Variants in RBFOX1 observed in about 807,000 individuals in gnomAD.
RBFOX1 encodes the protein RNA binding fox-1 homolog 1.
A neutral mutation model predicts 57.7 loss-of-function variants in RBFOX1; 8 were observed. The observed-to-expected ratio is 0.14, with a 90% CI of 0.08 to 0.25. The LOEUF (loss-of-function observed/expected upper bound fraction) is 0.25. Among genes scored for constraint, RBFOX1 ranks in the 10% least tolerant of loss-of-function variants. RBFOX1 has a pLI of 1.00. For synonymous variants in RBFOX1, 326 were observed against 222.4 expected, an observed-to-expected ratio of 1.47 and a Z score of -4.15; for missense variants, 611 against 548.5, an observed-to-expected ratio of 1.11 and a Z score of -1.14.
rs142540530 is a variant in RBFOX1, at chr16:6,878,514, T to A, written c.-15-173543T>A. Among the ~76,000 whole-genome samples the A allele has an allele frequency of 4.7e-3, 711 of 152,326 alleles. 3 individuals are homozygous for A. Among genetic ancestry groups the A allele is most frequent in the African/African-American group, 0.016 (682 of 41,580 alleles). ...GTGATATGAGCAAGAAATAAACTTT[T>A]GTTATTCCTGGACCTTTTAGATTTT... is the stretch of plus-strand genomic sequence containing the variant. On this transcript the variant is annotated intron_variant, in intron 3 of 15. Coordinates refer to ENST00000550418, the MANE Select transcript of RBFOX1 (RefSeq NM_018723.4).
intron 3 of RBFOX1, among the ~76,000 whole-genome samples, chr16:5,699,907 C>T (rs2050976708): frequency 6.6e-6 from 1 of 152,272 alleles, no homozygotes; most frequent in Non-Finnish European, 1.5e-5. Context: ...GATCTCGGCT[C>T]ACTGCAAGTT....
In RBFOX1 at chr16:5,629,979, T is replaced by C. The variant is rs2048455028; in HGVS notation, c.318+31018T>C. ...AGAGCTCCGTGCCTGGTGACTGCTG[T>C]TATTTGGTTGGGGATAGGATCTCTC... On this transcript the variant is annotated intron_variant, in intron 3 of 19. Transcript: ENST00000641259. Among the ~76,000 whole-genome samples the C allele has an allele frequency of 2.0e-5, 3 of 152,100 alleles. No individual in the cohort carries two copies. The South Asian group carries it at 6.2e-4, about 32-fold the overall frequency.
At chr16:7,668,286 G>A (rs191383215) in intron 13 of RBFOX1, among the ~76,000 whole-genome samples, 3 of 152,244 alleles carry the variant, frequency 2.0e-5, no homozygotes, top group Admixed American at 1.3e-4. Flanking sequence ...CGTGATCCCT[G>A]TAACTGGCAA....
intron 4 of RBFOX1, among the ~76,000 whole-genome samples, chr16:7,285,257 TAC>T (rs1363601570): frequency 1.6e-4 from 25 of 152,080 alleles, no homozygotes; most frequent in Non-Finnish European, 3.2e-4. Context: ...ATGTACCCTT[TAC>T]ACAGTTTTCC....
chr16:5,704,395 C>T (rs946198455), intron 3 of RBFOX1, among the ~76,000 whole-genome samples: 2 of 152,024 alleles, frequency 1.3e-5, no homozygotes, highest in East Asian at 1.9e-4. Flanking sequence ...GTCTGGGGGT[C>T]GCCACAACTC....
At chr16:5,976,695 C>G (rs527556605) in intron 4 of RBFOX1, among the ~76,000 whole-genome samples, 2 of 152,246 alleles carry the variant, frequency 1.3e-5, no homozygotes, top group South Asian at 2.1e-4. Flanking sequence ...ATGGTGAAAC[C>G]TTGTTTCTAC....
intron 2 of RBFOX1, among the ~76,000 whole-genome samples, chr16:5,561,424 C>T (rs1347155790): frequency 1.3e-5 from 2 of 151,658 alleles, no homozygotes; most frequent in Non-Finnish European, 2.9e-5. Context: ...TTTTGAATAC[C>T]AGTTAGTGGG....
At chr16:5,547,300 G>A (rs1202831052) in intron 2 of RBFOX1, among the ~76,000 whole-genome samples, 1 of 152,182 alleles carries the variant, frequency 6.6e-6, no homozygotes, top group Non-Finnish European at 1.5e-5. Flanking sequence ...ACACACATGT[G>A]CATGAACATT....
chr16:5,585,622 A>G (rs999904050), intron 2 of RBFOX1, among the ~76,000 whole-genome samples: 10 of 152,192 alleles, frequency 6.6e-5, no homozygotes, highest in African/African-American at 2.4e-4. Context: ...ATCCCGATGA[A>G]AGGGCTGACA....
chr16:7,090,083 T>A (rs1007085940), intron 4 of RBFOX1, among the ~76,000 whole-genome samples: 10 of 152,182 alleles, frequency 6.6e-5, no homozygotes, highest in South Asian at 2.1e-4. Flanking sequence ...AGTCTGTAAA[T>A]AAAGATAGTC....
chr16:6,593,218 G>T (rs991759632), intron 2 of RBFOX1, among the ~76,000 whole-genome samples: 2 of 151,910 alleles, frequency 1.3e-5, no homozygotes, highest in Non-Finnish European at 2.9e-5. Context: ...AAAGAGAGTG[G>T]AGATCACCCT....
intron 2 of RBFOX1, among the ~76,000 whole-genome samples, chr16:6,536,191 T>C (rs1352764712): frequency 6.6e-6 from 1 of 152,212 alleles, no homozygotes; most frequent in African/African-American, 2.4e-5. Flanking sequence ...CTTGTATAAA[T>C]GCAACCCAAA....
chr16:6,586,040 T>C (rs2097609364), intron 2 of RBFOX1, among the ~76,000 whole-genome samples: 1 of 152,208 alleles, frequency 6.6e-6, no homozygotes, highest in African/African-American at 2.4e-5. Context: ...ATAGAACAGG[T>C]ACTAGCTGTA....
At chr16:7,665,684 G>A (rs546580631) in intron 13 of RBFOX1, among the ~76,000 whole-genome samples, 1 of 152,100 alleles carries the variant, frequency 6.6e-6, no homozygotes, top group Non-Finnish European at 1.5e-5. Flanking sequence ...GAGCATTGAC[G>A]ATATGAAAAT....
At chr16:6,898,553 C>G (rs114475892) in intron 3 of RBFOX1, among the ~76,000 whole-genome samples, 2,611 of 152,270 alleles carry the variant, frequency 0.017, 71 homozygotes, top group African/African-American at 0.059. Flanking sequence ...AACATGGATT[C>G]TGCTGTGTTA....
At chr16:5,958,440 G>C (rs1037840418) in intron 4 of RBFOX1, among the ~76,000 whole-genome samples, 1 of 152,122 alleles carries the variant, frequency 6.6e-6, no homozygotes, top group Non-Finnish European at 1.5e-5. Context: ...TCTGATGCCA[G>C]ACCACCACAG....
intron 1 of RBFOX1, among the ~76,000 whole-genome samples, chr16:6,301,919 G>C (rs9937246): frequency 0.05 from 7,561 of 152,176 alleles, 671 homozygotes; most frequent in African/African-American, 0.17. Flanking sequence ...CAGCCACTTG[G>C]CAGAAGAACA....
intron 3 of RBFOX1, among the ~76,000 whole-genome samples, chr16:5,756,773 G>A (rs1255497571): frequency 6.6e-6 from 1 of 152,128 alleles, no homozygotes; most frequent in Non-Finnish European, 1.5e-5. Flanking sequence ...GATGTTACTT[G>A]CCAGGGATCT....
chr16:6,713,980 C>G (rs2064247820), intron 3 of RBFOX1, among the ~76,000 whole-genome samples: 2 of 152,208 alleles, frequency 1.3e-5, no homozygotes, highest in African/African-American at 2.4e-5. Context: ...TACGGTTAGG[C>G]TTTGTGTACC....
Sources: gnomAD v4.1 joint callset for allele counts (sites outside exome capture counted in the v4.1 genomes callset) on GRCh38, gnomAD v4.1.1 for gene constraint, MANE v1.5 for transcripts, NCBI Gene and HGNC (gene_info 2026-07-23, HGNC 2026-07-21) for gene names.